SIPA1L1: variants seen among roughly 807,000 people sequenced by gnomAD.
SIPA1L1 encodes signal-induced proliferation-associated 1-like protein 1.
In SIPA1L1, 26 loss-of-function variants were observed where a neutral mutation model predicts 162.7. The observed-to-expected ratio is 0.16, with a 90% CI of 0.12 to 0.22. SIPA1L1 has a LOEUF of 0.22. SIPA1L1 is among the 10% of genes least tolerant of loss of function. The pLI, the probability that SIPA1L1 is intolerant of heterozygous loss-of-function variation, is 1.00. For synonymous variants in SIPA1L1, 829 were observed against 837.4 expected, an observed-to-expected ratio of 0.99 and a Z score of 0.17; for missense variants, 1,874 against 2,241.0, an observed-to-expected ratio of 0.84 and a Z score of 3.31.
intron 4 of SIPA1L1, among the ~76,000 whole-genome samples, chr14:71,583,671 C>T (rs1567242522): frequency 6.6e-6 from 1 of 151,990 alleles, no homozygotes; most frequent in Non-Finnish European, 1.5e-5. Context: ...CCCTTCCTTA[C>T]CACTTAATCA....
intron 2 of SIPA1L1, among the ~76,000 whole-genome samples, chr14:71,444,239 G>A (rs892546592): frequency 3.3e-5 from 5 of 152,134 alleles, no homozygotes; most frequent in Non-Finnish European, 5.9e-5. Context: ...TTGCCTCTTA[G>A]GTGCTCAGAG....
chr14:71,406,810 T>A (rs2042057133), intron 2 of SIPA1L1, among the ~76,000 whole-genome samples: 1 of 152,256 alleles, frequency 6.6e-6, no homozygotes, highest in Non-Finnish European at 1.5e-5. Context: ...TTAGGCTTAG[T>A]GCAGTAGGAT....
At chr14:71,495,479 C>G (rs2049668571) in intron 2 of SIPA1L1, among the ~76,000 whole-genome samples, 1 of 151,382 alleles carries the variant, frequency 6.6e-6, no homozygotes, top group South Asian at 2.1e-4. Context: ...GTGATGCTCC[C>G]TCATTTATTC....
intron 4 of SIPA1L1, among the ~76,000 whole-genome samples, chr14:71,544,001 G>A (rs551157006): frequency 5.7e-4 from 81 of 142,734 alleles, no homozygotes; most frequent in African/African-American, 1.4e-3. Context: ...ATACACACAC[G>A]CACATGTATA....
intron 2 of SIPA1L1, among the ~76,000 whole-genome samples, chr14:71,343,745 G>C (rs2035887535): frequency 6.6e-6 from 1 of 152,166 alleles, no homozygotes; most frequent in Admixed American, 6.5e-5. Context: ...GCTGTTGTGG[G>C]GGACCATGCT....
chr14:71,337,398 G>A (rs2035207176), intron 2 of SIPA1L1, among the ~76,000 whole-genome samples: 2 of 152,146 alleles, frequency 1.3e-5, no homozygotes, highest in South Asian at 2.1e-4. Flanking sequence ...TTGAGACTGG[G>A]TAATTTATAA....
intron 17 of SIPA1L1, among the ~76,000 whole-genome samples, chr14:71,717,203 T>C (rs757213337): frequency 2.6e-5 from 4 of 152,208 alleles, no homozygotes; most frequent in Non-Finnish European, 5.9e-5. Context: ...CGACCTCTTT[T>C]ATATGGGGTA....
chr14:71,714,129 A>G (rs772746710), intron 17 of SIPA1L1, among the ~76,000 whole-genome samples: 2 of 152,184 alleles, frequency 1.3e-5, no homozygotes, highest in East Asian at 1.9e-4. Flanking sequence ...ATTCACGATT[A>G]TGTTCTATGT....
intron 12 of SIPA1L1, among the ~76,000 whole-genome samples, chr14:71,675,599 A>AT (rs2045071239): frequency 6.6e-6 from 1 of 152,132 alleles, no homozygotes; most frequent in African/African-American, 2.4e-5. Context: ...CTCTTGTGTC[A>AT]TTTTTTTCTT....
intron 4 of SIPA1L1, among the ~76,000 whole-genome samples, chr14:71,559,065 CTTTTT>C (rs113879891): frequency 7.1e-6 from 1 of 141,274 alleles, no homozygotes; most frequent in African/African-American, 2.6e-5. Flanking sequence ...TTCAGCTTTA[CTTTTT>C]TTTTTTTTTT....
chr14:71,405,396 A>C (rs1421655056), intron 2 of SIPA1L1, among the ~76,000 whole-genome samples: 1 of 152,192 alleles, frequency 6.6e-6, no homozygotes, highest in African/African-American at 2.4e-5. Context: ...ATAACTAATC[A>C]TGTAGGTCCT....
At chr14:71,523,046 A>C (rs1186054116) in intron 3 of SIPA1L1, among the ~76,000 whole-genome samples, 2 of 152,030 alleles carry the variant, frequency 1.3e-5, no homozygotes, top group African/African-American at 2.4e-5. Flanking sequence ...TCAGTCTTAC[A>C]GTTTACTGAT....
chr14:71,656,192 C>T (rs555856297), intron 8 of SIPA1L1, among the ~76,000 whole-genome samples: 3 of 152,244 alleles, frequency 2.0e-5, no homozygotes, highest in South Asian at 2.1e-4. Context: ...TGAAATGAGA[C>T]GTGGAGGACA....
rs139718260 is a variant in SIPA1L1 at position 71,555,998 on chromosome 14, G to T, written c.-303+26628G>T. ...ATAATATGACAAAGTTTGACATATT[G>T]TGGGAATTACCAAAATGTGACACAG... is the stretch of plus-strand genomic sequence containing the variant. On this transcript the variant is annotated intron_variant, in intron 4 of 23. Transcript: ENST00000381232. 3.6e-3 allele frequency among the ~76,000 whole-genome samples: 552 copies of T among 152,268 alleles called. 2 individuals carry two copies. Among genetic ancestry groups the T allele is most frequent in the African/African-American group, 0.013 (523 of 41,552 alleles).
chr14:71,588,296 A>C lies in SIPA1L1; in HGVS notation c.424A>C (p.Lys142Gln). The C allele has an allele frequency of 6.2e-7, 1 of 1,614,012 alleles. No individual in the cohort carries two copies. The highest frequency in any genetic ancestry group is 8.5e-7 in the Non-Finnish European group (1 of 1,179,998). The change falls in exon 5 of 24, where the codon AAG (lysine) becomes CAG (glutamine). Residue 142 changes from lysine to glutamine, a missense_variant. Lys to Gln is a moderately conservative substitution (Grantham distance 53). Around this residue, in one of 5 missense-constraint regions of SIPA1L1, gnomAD observed 685 missense variants for 828.0 expected, o/e 0.83. Transcript: ENST00000381232. This position sits in a 1 kb window ranked among gnomAD's most constrained non-coding sequence, Gnocchi z 4.3. ...LKSIQNTLKN[K>Q]TRPSENMDSR... ...AAGCATACAGAACACGCTGAAAAACAAGACAAGACCGTCGGAGAACATGGA... is the reference window on the plus strand; with the variant it reads ...AAGCATACAGAACACGCTGAAAAACCAGACAAGACCGTCGGAGAACATGGA...
At position 71,641,983 on chromosome 14, in the gene SIPA1L1, A is replaced by G. The variant is rs1446297452; in HGVS notation, c.1819-8352A>G. On this transcript the variant is annotated intron_variant, in intron 7 of 23. Coordinates refer to ENST00000381232, the MANE Select transcript of SIPA1L1 (RefSeq NM_001386936.1). ...TTGGGGGTTTGTCAGAAGTTATTAA[A>G]TTATACGCCTTGCATTTACTCTTCA... is the stretch of plus-strand genomic sequence containing the variant. 2.0e-5 allele frequency among the ~76,000 whole-genome samples: 3 copies of G among 152,238 alleles called. 1 individual carries two copies. Among genetic ancestry groups the G allele is most frequent in the African/African-American group, 7.2e-5 (3 of 41,464 alleles).
intron 2 of SIPA1L1, among the ~76,000 whole-genome samples, chr14:71,340,275 G>A (rs2035515400): frequency 6.6e-6 from 1 of 151,552 alleles, no homozygotes; most frequent in Non-Finnish European, 1.5e-5. Flanking sequence ...CAATGATCTG[G>A]ATTTCACAGA....
intron 2 of SIPA1L1, among the ~76,000 whole-genome samples, chr14:71,453,948 C>G (rs1193487078): frequency 2.4e-5 from 3 of 126,388 alleles, no homozygotes; most frequent in Non-Finnish European, 4.7e-5. Context: ...GAACTGAGAT[C>G]GTGCGACTGC....
chr14:71,333,615 C>G (rs1010920576), intron 2 of SIPA1L1, among the ~76,000 whole-genome samples: 1 of 152,182 alleles, frequency 6.6e-6, no homozygotes, highest in Non-Finnish European at 1.5e-5. Context: ...AGTTGTGTGA[C>G]TTTGGCTGTC....
Sources: allele counts gnomAD v4.1 joint callset (sites outside exome capture counted in the v4.1 genomes callset), GRCh38; gene constraint gnomAD v4.1.1; regional missense constraint gnomAD v4.1.1; non-coding constraint Gnocchi (gnomAD v3.1); transcripts MANE v1.5; gene names NCBI Gene and HGNC (gene_info 2026-07-23, HGNC 2026-07-21).